Variants in KIRREL3 observed in about 807,000 individuals in gnomAD.
KIRREL3 encodes the protein kin of IRRE-like protein 3.
In KIRREL3, 36 loss-of-function variants were observed where a neutral mutation model predicts 89.7. The observed-to-expected ratio is 0.40, with a 90% CI of 0.31 to 0.53. KIRREL3 has a LOEUF of 0.53. Ranked by LOEUF, KIRREL3 falls within the 20% of genes least tolerant of loss-of-function variation. KIRREL3 has a pLI of 0.49. For synonymous variants in KIRREL3, 445 were observed against 441.4 expected (o/e 1.01, Z -0.10); for missense variants, 864 against 1,056.6 (o/e 0.82, Z 2.53).
intron 1 of KIRREL3, among the ~76,000 whole-genome samples, chr11:126,789,105 C>T (rs550500267): frequency 6.6e-6 from 1 of 152,304 alleles, no homozygotes; most frequent in African/African-American, 2.4e-5. Flanking sequence ...ACCATGAGCT[C>T]TTTAGGGGCA....
At chr11:126,511,546 T>A (rs1329049461) in intron 4 of KIRREL3, among the ~76,000 whole-genome samples, 1 of 152,196 alleles carries the variant, frequency 6.6e-6, no homozygotes, top group Non-Finnish European at 1.5e-5. Flanking sequence ...TCCCGGCTCA[T>A]GGGCATTGCG....
At chr11:126,841,473 T>C (rs1236896523) in intron 1 of KIRREL3, among the ~76,000 whole-genome samples, 1 of 152,210 alleles carries the variant, frequency 6.6e-6, no homozygotes, top group African/African-American at 2.4e-5. Context: ...AAGACTCTCC[T>C]GTGGTGTCTG....
rs1946680141 is a variant in KIRREL3, at chr11:126,908,606, A to G, written c.55+91849T>C. ...CTGGCTATTACTATTGGTATTATCAAGAAAACTGAAAGTCACAAAAGGTAA... is the reference window on the plus strand; with the variant it reads ...CTGGCTATTACTATTGGTATTATCAGGAAAACTGAAAGTCACAAAAGGTAA... On this transcript the variant is annotated intron_variant, in intron 1 of 16. Coordinates refer to ENST00000525144, the MANE Select transcript of KIRREL3 (RefSeq NM_032531.4). The surrounding 1 kb of genome is among the most constrained non-coding windows in gnomAD (Gnocchi z 4.2). Among the ~76,000 whole-genome samples, 1 of 152,254 alleles carries G rather than the reference A, an allele frequency of 6.6e-6. No individual in the cohort carries two copies. The highest frequency in any genetic ancestry group is 1.5e-5 in the Non-Finnish European group (1 of 68,050).
In KIRREL3 at chr11:126,526,415, G is replaced by T. The variant is rs1016398423; in HGVS notation, c.283+123C>A. The stretch of plus-strand genomic sequence containing the variant: ...CTAGCCTGACTCTGCCTGAGGAGTT[G>T]CAGTGAAAGCTAGAGATTCGATACT... On this transcript the variant is annotated intron_variant, in intron 3 of 16. Coordinates refer to ENST00000525144, the MANE Select transcript of KIRREL3 (RefSeq NM_032531.4). This position sits in a 1 kb window ranked among gnomAD's most constrained non-coding sequence, Gnocchi z 5.7. 1 of 944,226 alleles carries T rather than the reference G, an allele frequency of 1.1e-6. No homozygotes were observed. The highest frequency in any genetic ancestry group is 1.6e-6 in the Non-Finnish European group (1 of 632,388). The allele number at this position is 944,226 out of a possible 1,614,324, so 58.5% of individuals were successfully genotyped here.
chr11:126,928,716 C>T (rs1947819559), intron 1 of KIRREL3, among the ~76,000 whole-genome samples: 1 of 152,212 alleles, frequency 6.6e-6, no homozygotes, highest in Non-Finnish European at 1.5e-5. Context: ...ATAAGGAACA[C>T]AGCAGATGTA....
chr11:126,852,156 C>T (rs191972400), intron 1 of KIRREL3, among the ~76,000 whole-genome samples: 2,985 of 148,888 alleles, frequency 0.02, 222 homozygotes, highest in Admixed American at 0.14. Context: ...CGGGTTCAAG[C>T]GATTCTCCTG....
At position 126,954,898 on chromosome 11, in the gene KIRREL3, C is replaced by G. The variant is rs751672050; in HGVS notation, c.55+45557G>C. ...TAATGAAAGCAGAAAGAAGACGCAC[C>G]TCAAACATACTGTGTGGGCAACAAC... On this transcript the variant is annotated intron_variant, in intron 1 of 16. Transcript: ENST00000525144. This position sits in a 1 kb window ranked among gnomAD's most constrained non-coding sequence, Gnocchi z 4.1. 6.6e-6 allele frequency among the ~76,000 whole-genome samples: 1 copy of G among 152,182 alleles called. No individual in the cohort carries two copies. The highest frequency in any genetic ancestry group is 6.6e-5 in the Admixed American group (1 of 15,266).
intron 12 of KIRREL3, among the ~76,000 whole-genome samples, chr11:126,435,999 G>A (rs1955315224): frequency 6.6e-6 from 1 of 152,222 alleles, no homozygotes; most frequent in Admixed American, 6.5e-5. Context: ...TGCTGGCTGT[G>A]GTGGGGCTTC....
At chr11:126,712,364 G>A (rs1947794707) in intron 1 of KIRREL3, among the ~76,000 whole-genome samples, 1 of 152,090 alleles carries the variant, frequency 6.6e-6, no homozygotes, top group Non-Finnish European at 1.5e-5. Flanking sequence ...TCTGAGTGAG[G>A]CAGGGTCTGG....
In KIRREL3 at chr11:126,535,292, C is replaced by T. The variant is rs151252370; in HGVS notation, c.134-8605G>A. 2.8e-3 allele frequency among the ~76,000 whole-genome samples: 429 copies of T among 152,306 alleles called. 3 individuals are homozygous for T. The highest frequency in any genetic ancestry group is 9.4e-3 in the African/African-American group (391 of 41,556). On this transcript the variant is annotated intron_variant, in intron 2 of 16. Coordinates refer to ENST00000525144, the MANE Select transcript of KIRREL3 (RefSeq NM_032531.4). The surrounding 1 kb of genome is among the most constrained non-coding windows in gnomAD (Gnocchi z 4.5). ...GCTTCCAACCTGGATGCAGCGCCCT[C>T]ATCTTAATCTCTTTTCTGGGACTCG... is the stretch of plus-strand genomic sequence containing the variant.
At position 126,752,103 on chromosome 11, in the gene KIRREL3, T is replaced by C. The variant is rs542748518; in HGVS notation, c.56-189191A>G. ...TTGCTTCATCTCCTTGTGTGTCAGC[T>C]TTTTCTTTGCAAAATAGGAACAATG... On this transcript the variant is annotated intron_variant, in intron 1 of 16. Coordinates refer to ENST00000525144, the MANE Select transcript of KIRREL3 (RefSeq NM_032531.4). The surrounding 1 kb of genome is among the most constrained non-coding windows in gnomAD (Gnocchi z 4.8). Among the ~76,000 whole-genome samples the C allele has an allele frequency of 6.6e-6, 1 of 152,292 alleles. No homozygotes were observed. Among genetic ancestry groups the C allele is most frequent in the African/African-American group, 2.4e-5 (1 of 41,548 alleles).
rs1950556390 is a variant in KIRREL3, at chr11:126,788,814, G to T, written c.55+211641C>A. Reference sequence around the variant, plus strand: ...ATCCGCATCATAGGGCAAGGAGAGAGAAATAATAGACTCTTCGGTAGATTT... The same window carrying T: ...ATCCGCATCATAGGGCAAGGAGAGATAAATAATAGACTCTTCGGTAGATTT... On this transcript the variant is annotated intron_variant, in intron 1 of 16. Coordinates refer to ENST00000525144, the MANE Select transcript of KIRREL3 (RefSeq NM_032531.4). This position sits in a 1 kb window ranked among gnomAD's most constrained non-coding sequence, Gnocchi z 4.1. 1.3e-5 allele frequency among the ~76,000 whole-genome samples: 2 copies of T among 152,192 alleles called. No individual in the cohort carries two copies. The highest frequency in any genetic ancestry group is 4.8e-5 in the African/African-American group (2 of 41,452).
intron 4 of KIRREL3, among the ~76,000 whole-genome samples, chr11:126,513,000 C>T (rs890354264): frequency 1.3e-5 from 2 of 152,116 alleles, no homozygotes; most frequent in African/African-American, 4.8e-5. Context: ...GGAGTGAATG[C>T]GTCCCAGCTC....
At chr11:126,962,822 C>T (rs1026049782) in intron 1 of KIRREL3, among the ~76,000 whole-genome samples, 2 of 152,118 alleles carry the variant, frequency 1.3e-5, no homozygotes, top group Non-Finnish European at 2.9e-5. Flanking sequence ...CAGCAACCAC[C>T]ACCCTGATCA....
intron 1 of KIRREL3, among the ~76,000 whole-genome samples, chr11:126,899,345 T>C (rs781722228): frequency 4.6e-5 from 7 of 152,304 alleles, no homozygotes; most frequent in Non-Finnish European, 7.4e-5. Context: ...CAAAGTCATT[T>C]GCACTTGTAA....
At chr11:126,634,919 G>T (rs1944204161) in intron 1 of KIRREL3, among the ~76,000 whole-genome samples, 1 of 152,120 alleles carries the variant, frequency 6.6e-6, no homozygotes, top group Admixed American at 6.5e-5. Context: ...GAAGTGTGGA[G>T]GGAGGGTATA....
chr11:126,988,455 C>T (rs1949934304), intron 1 of KIRREL3: 1 of 152,832 alleles, frequency 6.5e-6, no homozygotes, highest in East Asian at 1.9e-4. Flanking sequence ...CTGATGGTCA[C>T]ACGGCTGTCG....
At chr11:126,863,618 T>A (rs201116874) in intron 1 of KIRREL3, among the ~76,000 whole-genome samples, 34 of 123,502 alleles carry the variant, frequency 2.8e-4, no homozygotes, top group Non-Finnish European at 4.8e-4. Context: ...TGCGTGCGTG[T>A]GTGTGTGTTT....
intron 4 of KIRREL3, among the ~76,000 whole-genome samples, chr11:126,497,288 G>T (rs1474285027): frequency 6.6e-6 from 1 of 152,094 alleles, no homozygotes; most frequent in Non-Finnish European, 1.5e-5. Flanking sequence ...GGGTGTGTGT[G>T]TGAGAGAGAG....
Sources: gnomAD v4.1 joint callset for allele counts (sites outside exome capture counted in the v4.1 genomes callset) on GRCh38, gnomAD v4.1.1 for gene constraint, Gnocchi (gnomAD v3.1) non-coding constraint, MANE v1.5 for transcripts, NCBI Gene and HGNC (gene_info 2026-07-23, HGNC 2026-07-21) for gene names.